The following LEPROTL1 variants were observed in gnomAD, a reference collection of about 807,000 sequenced individuals.
LEPROTL1 encodes the protein leptin receptor overlapping transcript-like 1.
A neutral mutation model predicts 15.4 loss-of-function variants in LEPROTL1; 6 were observed. That is an observed-to-expected ratio of 0.39 (90% CI 0.21 to 0.77). The LOEUF is 0.77. LEPROTL1 is among the 30% of genes least tolerant of loss of function. The probability of loss-of-function intolerance (pLI) is 0.41; values close to 1 mark genes in which losing one functional copy is unlikely to be tolerated. For synonymous variants in LEPROTL1, 56 were observed against 52.6 expected, an observed-to-expected ratio of 1.06 and a Z score of -0.28; for missense variants, 128 against 158.1, an observed-to-expected ratio of 0.81 and a Z score of 1.02.
chr8:30,136,353 C>T (rs1360852268), intron 4 of LEPROTL1, among the ~76,000 whole-genome samples: 2 of 152,222 alleles, frequency 1.3e-5, no homozygotes, highest in Non-Finnish European at 2.9e-5. Flanking sequence ...TACAGGGACA[C>T]TGCCACCCGC....
At chr8:30,105,206 C>T (rs1051720923) in intron 3 of LEPROTL1, 25 of 152,248 alleles carry the variant, frequency 1.6e-4, no homozygotes, top group African/African-American at 5.8e-4. Context: ...CACTGATCCA[C>T]GCGCCTTCAT....
intron 4 of LEPROTL1, among the ~76,000 whole-genome samples, chr8:30,133,592 GAATT>G (rs1175217783): frequency 6.6e-6 from 1 of 152,020 alleles, no homozygotes; most frequent in Non-Finnish European, 1.5e-5. Context: ...GAAGGTTCTT[GAATT>G]AATTCAGAAC....
At chr8:30,097,698 TACACACACACAC>T (rs71204262) in intron 1 of LEPROTL1, among the ~76,000 whole-genome samples, 27 of 108,772 alleles carry the variant, frequency 2.5e-4, no homozygotes, top group Non-Finnish European at 1.8e-5. Context: ...TATATATATA[TACACACACACAC>T]ACACACACAC....
intron 3 of LEPROTL1, among the ~76,000 whole-genome samples, chr8:30,130,472 A>G (rs1802985602): frequency 6.6e-6 from 1 of 152,232 alleles, no homozygotes; most frequent in Admixed American, 6.5e-5. Context: ...GTTAAATGAC[A>G]TTGCTACTGC....
chr8:30,132,132 C>T (rs148514134), intron 3 of LEPROTL1: 7 of 1,551,594 alleles, frequency 4.5e-6, no homozygotes, highest in African/African-American at 4.1e-5. Context: ...ACAGCCTCAT[C>T]GGCCAGGATC....
chr8:30,125,353 A>G (rs1388163126), intron 3 of LEPROTL1, among the ~76,000 whole-genome samples: 1 of 152,228 alleles, frequency 6.6e-6, no homozygotes, highest in Non-Finnish European at 1.5e-5. Context: ...GTGTTTTCTT[A>G]GTAGGAGAGA....
At chr8:30,100,812 T>C (rs77570919) in intron 1 of LEPROTL1, among the ~76,000 whole-genome samples, 2,020 of 152,312 alleles carry the variant, frequency 0.013, 47 homozygotes, top group East Asian at 0.074. Context: ...GAAAGTTGTT[T>C]CTATTCACTA....
chr8:30,122,859 A>G (rs1802850189), intron 3 of LEPROTL1, among the ~76,000 whole-genome samples: 1 of 152,204 alleles, frequency 6.6e-6, no homozygotes, highest in Non-Finnish European at 1.5e-5. Flanking sequence ...GGGAGAATGA[A>G]TCTTAACAAT....
downstream of LEPROTL1, among the ~76,000 whole-genome samples, chr8:30,113,475 C>T (rs1361165150): frequency 1.3e-5 from 2 of 152,114 alleles, no homozygotes; most frequent in South Asian, 2.1e-4. Flanking sequence ...TGCCAAAGAG[C>T]CTGTCATCGC....
At chr8:30,099,064 A>G (rs1277213943) in intron 1 of LEPROTL1, among the ~76,000 whole-genome samples, 2 of 151,680 alleles carry the variant, frequency 1.3e-5, no homozygotes, top group Non-Finnish European at 2.9e-5. Context: ...CTAGACTAGC[A>G]CTCCCATCCC....
chr8:30,103,693 G>A (rs1369035244), intron 2 of LEPROTL1, among the ~76,000 whole-genome samples: 2 of 148,156 alleles, frequency 1.3e-5, no homozygotes, highest in African/African-American at 5.0e-5. Context: ...AGTGAGCCGA[G>A]ATCATGCCAC....
chr8:30,104,415 G>A lies in LEPROTL1; in HGVS notation c.208G>A (p.Ala70Thr). 6.2e-7 allele frequency: 1 copy of A among 1,612,488 alleles called. No homozygotes were observed. The highest frequency in any genetic ancestry group is 8.5e-7 in the Non-Finnish European group (1 of 1,179,236). Residue 70 changes from alanine (A) to threonine (T), a missense_variant, in exon 3 of 4, where the codon GCC becomes ACC. Coordinates refer to ENST00000321250, the MANE Select transcript of LEPROTL1 (RefSeq NM_015344.3). ...DAMSNACKEL[A>T]IFLTTGIVVS... The stretch of plus-strand genomic sequence containing the variant: ...TATGAGTAACGCTTGTAAGGAACTT[G>A]CCATCTTTCTTACAACGGGCATTGT...
At chr8:30,095,589 T>G in intron 1 of LEPROTL1, 61 bp downstream of exon 1, 2 of 1,260,990 alleles carry the variant, frequency 1.6e-6, no homozygotes, top group Non-Finnish European at 2.0e-6. Flanking sequence ...GGGCCGGGGG[T>G]CCCACGCGGC....
rs73669682 is a variant in LEPROTL1 at position 30,117,772 on chromosome 8, C to T, written c.279+13286C>T. 23 of 836,560 alleles carry T rather than the reference C, an allele frequency of 2.7e-5. No individual in the cohort carries two copies. The East Asian group carries it at 3.1e-4, about 11-fold the overall frequency. 51.8% of individuals were successfully genotyped at this position (836,560 alleles called of 1,614,324 possible). On this transcript the variant is annotated intron_variant, in intron 3 of 4. Transcript: ENST00000442880. Reference sequence around the variant, plus strand: ...GAGAGCATCAGCCAGGACATTCATGCGCACCATTGTGGCGGCGCAGAAAGA... The same window carrying T: ...GAGAGCATCAGCCAGGACATTCATGTGCACCATTGTGGCGGCGCAGAAAGA...
downstream of LEPROTL1, among the ~76,000 whole-genome samples, chr8:30,111,363 T>G (rs1025609899): frequency 1.3e-5 from 2 of 152,250 alleles, no homozygotes; most frequent in Non-Finnish European, 2.9e-5. Context: ...TAATTTATTA[T>G]CAACTAAATC....
intron 1 of LEPROTL1, among the ~76,000 whole-genome samples, chr8:30,098,681 G>T (rs781288535): frequency 3.9e-5 from 6 of 152,108 alleles, no homozygotes; most frequent in African/African-American, 9.7e-5. Context: ...TAAATTACTT[G>T]GACAACTAGT....
At chr8:30,096,370 C>T in intron 1 of LEPROTL1, 1 of 985,284 alleles carries the variant, frequency 1.0e-6, no homozygotes, top group South Asian at 4.7e-5. Context: ...TAACTAATTA[C>T]ATTGATTTCT....
Position 30,106,069 on chromosome 8 carries a change from G to T in LEPROTL1, c.*207G>T, listed in dbSNP as rs568100342. The T allele has an allele frequency of 1.8e-5, 20 of 1,102,940 alleles. No individual in the cohort carries two copies. The East Asian group carries it at 1.0e-3, about 57-fold the overall frequency. The allele number at this position is 1,102,940 out of a possible 1,614,324, so 68.3% of individuals were successfully genotyped here. On this transcript the variant is annotated 3_prime_UTR_variant, in exon 4 of 4. Transcript: ENST00000321250. Reference sequence around the variant, plus strand: ...AGGATTTTCTCTTTTGGAAAAGCTTGACTGATTTCACACTTATCTATAGTA... The same window carrying T: ...AGGATTTTCTCTTTTGGAAAAGCTTTACTGATTTCACACTTATCTATAGTA...
At chr8:30,115,133 G>A (rs1469792336) in intron 3 of LEPROTL1, among the ~76,000 whole-genome samples, 1 of 152,154 alleles carries the variant, frequency 6.6e-6, no homozygotes, top group Non-Finnish European at 1.5e-5. Context: ...GGAGGCAGAG[G>A]CGGGTGGATC....
Sources: allele counts gnomAD v4.1 joint callset (sites outside exome capture counted in the v4.1 genomes callset), GRCh38; gene constraint gnomAD v4.1.1; transcripts MANE v1.5; gene names NCBI Gene and HGNC (gene_info 2026-07-23, HGNC 2026-07-21).